The following LRCH3 variants were observed in gnomAD, a reference collection of about 807,000 sequenced individuals.
The protein encoded by LRCH3 is leucine rich repeats and calponin homology domain containing 3.
Under a neutral mutation model 104.5 loss-of-function variants are expected in LRCH3, and 68 were observed. The ratio of observed to expected loss-of-function variants is 0.65; its 90% CI spans 0.54 to 0.80. The LOEUF (loss-of-function observed/expected upper bound fraction) is 0.80, where lower values mean the gene tolerates loss of function less well. LRCH3 is among the 30% of genes least tolerant of loss of function. The pLI, the probability that LRCH3 is intolerant of heterozygous loss-of-function variation, is 0.00. For synonymous variants in LRCH3, 344 were observed against 361.3 expected (o/e 0.95, Z 0.54); for missense variants, 951 against 953.9 (o/e 1.00, Z 0.04).
chr3:197,815,089 T>TTATG (rs1733652037), intron 2 of LRCH3, 37 bp downstream of exon 2: 1 of 1,267,924 alleles, frequency 7.9e-7, no homozygotes, highest in Non-Finnish European at 1.1e-6. Flanking sequence ...ATTTTTGGTT[T>TTATG]TATGTGATCT....
intron 4 of LRCH3, among the ~76,000 whole-genome samples, chr3:197,822,236 C>T (rs1734576153): frequency 6.6e-6 from 1 of 152,152 alleles, no homozygotes; most frequent in Admixed American, 6.6e-5. Flanking sequence ...TCCTTATTTT[C>T]TCCTGGTTCT....
At chr3:197,800,023 T>C (rs1400755689) in intron 1 of LRCH3, among the ~76,000 whole-genome samples, 1 of 133,864 alleles carries the variant, frequency 7.5e-6, no homozygotes, top group Non-Finnish European at 1.6e-5. Flanking sequence ...CTACTAAAAC[T>C]ACAAAAAAAA....
chr3:197,836,964 C>T (rs1422635108), intron 9 of LRCH3, among the ~76,000 whole-genome samples: 1 of 152,158 alleles, frequency 6.6e-6, no homozygotes, highest in African/African-American at 2.4e-5. Context: ...AGGTGTGAGC[C>T]ACCGCACCCA....
chr3:197,817,360 G>GTGTGTGTGTATATAAATATATATATA, intron 3 of LRCH3, 58 bp downstream of exon 3: 1 of 70,058 alleles, frequency 1.4e-5, no homozygotes, highest in Non-Finnish European at 2.2e-5. Context: ...GTGTGTGTGT[G>GTGTGTGTGTATATAAATATATATATA]TATATATATA....
At chr3:197,855,491 A>G (rs899445229) in intron 14 of LRCH3, among the ~76,000 whole-genome samples, 3 of 152,168 alleles carry the variant, frequency 2.0e-5, no homozygotes, top group Non-Finnish European at 4.4e-5. Flanking sequence ...CCTTTTTACA[A>G]ATGATTACTG....
intron 8 of LRCH3, among the ~76,000 whole-genome samples, chr3:197,832,856 C>T (rs530017714): frequency 2.0e-5 from 3 of 152,184 alleles, no homozygotes; most frequent in South Asian, 2.1e-4. Context: ...TCTTGATTTT[C>T]GCATTCAATT....
intron 20 of LRCH3, among the ~76,000 whole-genome samples, chr3:197,880,160 T>A (rs2109573695): frequency 6.6e-6 from 1 of 151,884 alleles, no homozygotes; most frequent in East Asian, 1.9e-4. Context: ...TTAGCCGGGA[T>A]GGTCTCGATC....
chr3:197,820,705 A>AT (rs1734395706), intron 4 of LRCH3, among the ~76,000 whole-genome samples: 1 of 152,166 alleles, frequency 6.6e-6, no homozygotes. Flanking sequence ...GCTACTCAGG[A>AT]AGCTGAGGTG....
At chr3:197,791,573 G>A in intron 1 of LRCH3, 33 bp downstream of exon 1, 1 of 1,501,034 alleles carries the variant, frequency 6.7e-7, no homozygotes, top group Admixed American at 2.6e-5. Context: ...CTGCCCGTCG[G>A]AGACCCGGCG....
At chr3:197,806,327 G>A (rs925856960) in intron 1 of LRCH3, among the ~76,000 whole-genome samples, 1 of 151,192 alleles carries the variant, frequency 6.6e-6, no homozygotes, top group Non-Finnish European at 1.5e-5. Context: ...GGATCTTACT[G>A]TGTTGCCCAG....
chr3:197,828,557 G>A (rs954073545), intron 5 of LRCH3, among the ~76,000 whole-genome samples: 1 of 151,624 alleles, frequency 6.6e-6, no homozygotes, highest in Admixed American at 6.6e-5. Flanking sequence ...GTGTTAGCCA[G>A]AATGGTCTCA....
At chr3:197,842,211 G>C (rs1737910930) in intron 10 of LRCH3, among the ~76,000 whole-genome samples, 1 of 152,122 alleles carries the variant, frequency 6.6e-6, no homozygotes, top group South Asian at 2.1e-4. Flanking sequence ...CTAGTAACCA[G>C]TTAGGCTCTA....
At chr3:197,880,005 G>A (rs372854556) in intron 20 of LRCH3, among the ~76,000 whole-genome samples, 1 of 150,992 alleles carries the variant, frequency 6.6e-6, no homozygotes, top group East Asian at 1.9e-4. Context: ...GAGTGCGGTG[G>A]CGCGATCTCG....
chr3:197,882,461 T>C, intron 20 of LRCH3: 1 of 948,814 alleles, frequency 1.1e-6, no homozygotes, highest in South Asian at 4.9e-5. Flanking sequence ...ACTTGTTATA[T>C]ATTTTATTGT....
Position 197,854,325 on chromosome 3 carries a change from C to A in LRCH3, c.1591-67C>A. 1.5e-6 allele frequency: 2 copies of A among 1,330,808 alleles called. No homozygotes were observed. The highest frequency in any genetic ancestry group is 1.1e-6 in the Non-Finnish European group (1 of 921,416). 82.4% of individuals were successfully genotyped at this position (1,330,808 alleles called of 1,614,324 possible). On this transcript the variant is annotated intron_variant, in intron 13 of 20. Transcript: ENST00000425562. This position sits in a 1 kb window ranked among gnomAD's most constrained non-coding sequence, Gnocchi z 4.5. ...ATGTCTCTTCCCTTGTGTGTGTATT[C>A]GTGAAATACGTCACACGTGTGCGTA...
At chr3:197,865,531 T>TA (rs1461789096) in intron 16 of LRCH3, 60 bp downstream of exon 16, 5 of 1,071,114 alleles carry the variant, frequency 4.7e-6, no homozygotes, top group Non-Finnish European at 6.5e-6. Context: ...TTTTTTTATT[T>TA]AAAAAATAAT....
chr3:197,870,737 T>A (rs1013807527), intron 18 of LRCH3, among the ~76,000 whole-genome samples: 4 of 150,392 alleles, frequency 2.7e-5, no homozygotes, highest in African/African-American at 9.9e-5. Flanking sequence ...TTTAACAGAT[T>A]AGTGCTGGGA....
intron 17 of LRCH3, among the ~76,000 whole-genome samples, chr3:197,867,372 C>T (rs752371755): frequency 4.6e-5 from 7 of 151,368 alleles, no homozygotes; most frequent in East Asian, 2.0e-4. Context: ...GCTGAGATTG[C>T]GCCACTGCAC....
In LRCH3 at chr3:197,866,172, C is replaced by T. The variant is rs767052980; in HGVS notation, c.1826C>T (p.Pro609Leu). The T allele has an allele frequency of 3.1e-6, 5 of 1,614,130 alleles. No homozygotes were observed. The highest frequency in any genetic ancestry group is 4.2e-6 in the Non-Finnish European group (5 of 1,179,986). Residue 609 changes from proline to leucine, a missense_variant, in exon 17 of 21, where the codon CCT (proline) becomes CTT (leucine). Physicochemically the swap from Pro to Leu is moderately conservative, Grantham distance 98. Transcript: ENST00000425562. ...AAIQRNQPQR[P>L]ESFLFRAGVR... ...ATCCAGAGAAATCAGCCTCAGCGCC[C>T]TGAAAGCTTCCTTTTCCGAGCAGGT...
Sources: gnomAD v4.1 joint callset for allele counts (sites outside exome capture counted in the v4.1 genomes callset) on GRCh38, gnomAD v4.1.1 for gene constraint, Gnocchi (gnomAD v3.1) non-coding constraint, MANE v1.5 for transcripts, NCBI Gene and HGNC (gene_info 2026-07-23, HGNC 2026-07-21) for gene names.